ROBO2: variants seen among roughly 807,000 people sequenced by gnomAD.
ROBO2 encodes roundabout homolog 2.
ROBO2 carries 53 observed loss-of-function variants against 160.8 expected under a neutral mutation model. The ratio of observed to expected loss-of-function variants is 0.33; its 90% confidence interval spans 0.26 to 0.41. The LOEUF (loss-of-function observed/expected upper bound fraction) is 0.41, where lower values mean the gene tolerates loss of function less well. ROBO2 is among the 10% of genes least tolerant of loss of function. ROBO2 has a pLI of 1.00. For missense variants in ROBO2, 1,577 were observed against 1,722.4 expected (o/e 0.92, Z 1.49); for synonymous variants, 664 against 611.7 (o/e 1.09, Z -1.26).
chr3:76,591,804 AT>A (rs1409191740), intron 2 of ROBO2, among the ~76,000 whole-genome samples: 1 of 152,058 alleles, frequency 6.6e-6, no homozygotes, highest in Non-Finnish European at 1.5e-5. Flanking sequence ...TTTTAATTTT[AT>A]TTTTACTGTT....
intron 2 of ROBO2, among the ~76,000 whole-genome samples, chr3:76,238,200 G>A (rs1006812729): frequency 6.6e-6 from 1 of 152,172 alleles, no homozygotes; most frequent in South Asian, 2.1e-4. Context: ...TCACACTGCT[G>A]TAAATGAATA....
At chr3:76,814,902 A>C (rs1146008) in intron 2 of ROBO2, among the ~76,000 whole-genome samples, 1 of 151,630 alleles carries the variant, frequency 6.6e-6, no homozygotes, top group Non-Finnish European at 1.5e-5. Context: ...GGGGTGGGAG[A>C]GGAAGTCATT....
chr3:76,239,112 C>T (rs774647990), intron 2 of ROBO2, among the ~76,000 whole-genome samples: 4 of 151,992 alleles, frequency 2.6e-5, no homozygotes, highest in Non-Finnish European at 5.9e-5. Context: ...TTTCAGTGCT[C>T]ACTAAATTGT....
intron 2 of ROBO2, among the ~76,000 whole-genome samples, chr3:76,272,935 T>TAAAATATATATATTTATATATA (rs373969164): frequency 6.6e-5 from 3 of 45,774 alleles, no homozygotes; most frequent in Non-Finnish European, 7.5e-5. Flanking sequence ...TATTTATATA[T>TAAAATATATATATTTATATATA]AAATATATAA....
chr3:77,043,102 G>A (rs7648227), intron 1 of ROBO2, among the ~76,000 whole-genome samples: 75,136 of 152,082 alleles, frequency 0.49, 22,125 homozygotes, highest in Non-Finnish European at 0.67. Flanking sequence ...AATTTGGGAT[G>A]TGGAGAACAC....
At chr3:76,950,613 A>G (rs2078898106) in intron 2 of ROBO2, among the ~76,000 whole-genome samples, 1 of 152,166 alleles carries the variant, frequency 6.6e-6, no homozygotes, top group Non-Finnish European at 1.5e-5. Flanking sequence ...TCATTGTGGC[A>G]CTGGTTCATG....
intron 2 of ROBO2, among the ~76,000 whole-genome samples, chr3:76,794,089 C>T (rs267102): frequency 0.5 from 75,758 of 151,628 alleles, 19,992 homozygotes; most frequent in African/African-American, 0.68. Context: ...TGTAATGATG[C>T]TTAAACAGCG....
chr3:76,521,848 CTCAATT>C (rs1305639097), intron 2 of ROBO2, among the ~76,000 whole-genome samples: 2 of 152,026 alleles, frequency 1.3e-5, no homozygotes, highest in Non-Finnish European at 2.9e-5. Flanking sequence ...TTAAATATAA[CTCAATT>C]TCAAGTTTTT....
chr3:76,643,614 TTG>T (rs1291779418), intron 2 of ROBO2, among the ~76,000 whole-genome samples: 1 of 152,096 alleles, frequency 6.6e-6, no homozygotes, highest in Non-Finnish European at 1.5e-5. Flanking sequence ...AAAAGTATGT[TTG>T]TGTTATTATT....
chr3:76,754,805 G>A (rs1185686341), intron 2 of ROBO2, among the ~76,000 whole-genome samples: 1 of 151,852 alleles, frequency 6.6e-6, no homozygotes, highest in Non-Finnish European at 1.5e-5. Flanking sequence ...AGGGATTTAA[G>A]TATCAGCTTG....
intron 2 of ROBO2, among the ~76,000 whole-genome samples, chr3:77,367,706 T>G (rs2071116526): frequency 6.6e-6 from 1 of 152,154 alleles, no homozygotes; most frequent in Admixed American, 6.6e-5. Context: ...TGTAATAAAC[T>G]CTCTGGATGA....
intron 8 of ROBO2, 83 bp from the exon 10 acceptor site, chr3:77,557,861 T>G (rs1582929715): frequency 9.2e-7 from 1 of 1,090,808 alleles, no homozygotes; most frequent in African/African-American, 1.5e-5. Flanking sequence ...TGTTGGGGCT[T>G]TAACCTTACT....
At chr3:77,418,466 G>T (rs1490974793) in intron 2 of ROBO2, among the ~76,000 whole-genome samples, 2 of 152,008 alleles carry the variant, frequency 1.3e-5, no homozygotes, top group African/African-American at 2.4e-5. Flanking sequence ...GACTAAATTT[G>T]CTGGATCTTA....
intron 2 of ROBO2, among the ~76,000 whole-genome samples, chr3:76,214,432 A>G (rs1012247598): frequency 6.6e-6 from 1 of 152,186 alleles, no homozygotes. Flanking sequence ...GGGGTGACAG[A>G]TGGCACCCGG....
intron 2 of ROBO2, among the ~76,000 whole-genome samples, chr3:76,413,384 G>T (rs2075595719): frequency 6.6e-6 from 1 of 152,150 alleles, no homozygotes. Context: ...CAGAAAATGG[G>T]TTTTTCTTTT....
intron 2 of ROBO2, among the ~76,000 whole-genome samples, chr3:77,293,220 G>A (rs905308923): frequency 6.6e-6 from 1 of 151,082 alleles, no homozygotes; most frequent in African/African-American, 2.4e-5. Flanking sequence ...GGTAAGCTGA[G>A]GCTAGATCAC....
intron 2 of ROBO2, among the ~76,000 whole-genome samples, chr3:76,336,905 A>G (rs1390053447): frequency 6.6e-6 from 1 of 152,212 alleles, no homozygotes; most frequent in Non-Finnish European, 1.5e-5. Context: ...TAGGTAAAAT[A>G]TGATTCTAAT....
At chr3:76,932,889 A>T (rs2077441380) in intron 2 of ROBO2, among the ~76,000 whole-genome samples, 2 of 152,110 alleles carry the variant, frequency 1.3e-5, no homozygotes, top group African/African-American at 2.4e-5. Context: ...GATATAATGA[A>T]GCTGCCCCCG....
intron 4 of ROBO2, among the ~76,000 whole-genome samples, chr3:77,481,601 T>C (rs1373293129): frequency 6.6e-6 from 1 of 152,134 alleles, no homozygotes; most frequent in Non-Finnish European, 1.5e-5. Flanking sequence ...TTAGAGAGTA[T>C]AGTATAAAAA....
Sources: gnomAD v4.1 joint callset for allele counts (sites outside exome capture counted in the v4.1 genomes callset) on GRCh38, gnomAD v4.1.1 for gene constraint, MANE v1.5 for transcripts, NCBI Gene and HGNC (gene_info 2026-07-23, HGNC 2026-07-21) for gene names.